CARMIL1: variants seen among roughly 807,000 people sequenced by gnomAD.
CARMIL1 encodes the protein F-actin-uncapping protein LRRC16A.
In CARMIL1, 90 loss-of-function variants were observed where a neutral mutation model predicts 177.1. The ratio of observed to expected loss-of-function variants is 0.51; its 90% CI spans 0.43 to 0.61. The LOEUF is 0.61. CARMIL1 is among the 20% of genes least tolerant of loss of function. The pLI, the probability that CARMIL1 is intolerant of heterozygous loss-of-function variation, is 0.00. For missense variants in CARMIL1, 1,380 were observed against 1,667.0 expected (o/e 0.83, Z 3.00); for synonymous variants, 577 against 606.2 (o/e 0.95, Z 0.71).
At chr6:25,492,917 C>T (rs1054184451) in intron 15 of CARMIL1, among the ~76,000 whole-genome samples, 20 of 151,960 alleles carry the variant, frequency 1.3e-4, no homozygotes, top group African/African-American at 3.1e-4. Flanking sequence ...AAAAATATGC[C>T]ACAAATACCT....
intron 4 of CARMIL1, 109 bp from the exon 5 acceptor site, chr6:25,435,374 T>A (rs1203879790): frequency 5.7e-6 from 7 of 1,236,472 alleles, no homozygotes; most frequent in Non-Finnish European, 7.4e-6. Context: ...AAAAAGCTAA[T>A]ATTGTATTAG....
At chr6:25,513,414 C>G (rs1805647820) in intron 20 of CARMIL1, among the ~76,000 whole-genome samples, 1 of 152,140 alleles carries the variant, frequency 6.6e-6, no homozygotes, top group South Asian at 2.1e-4. Flanking sequence ...TAGCACTTAC[C>G]AGGCCATTTA....
At chr6:25,370,471 G>A (rs1433028030) in intron 2 of CARMIL1, among the ~76,000 whole-genome samples, 4 of 152,230 alleles carry the variant, frequency 2.6e-5, no homozygotes, top group African/African-American at 9.6e-5. Flanking sequence ...ATAAAGACAT[G>A]AATGGCCTGG....
At chr6:25,465,790 C>T (rs1308315740) in intron 8 of CARMIL1, 83 bp from the exon 9 acceptor site, 8 of 820,884 alleles carry the variant, frequency 9.7e-6, no homozygotes, top group Non-Finnish European at 1.7e-5. Flanking sequence ...AACAGGTGAA[C>T]TTGGATGTCA....
chr6:25,406,352 G>A (rs978217002), intron 2 of CARMIL1, among the ~76,000 whole-genome samples: 1 of 152,202 alleles, frequency 6.6e-6, no homozygotes, highest in African/African-American at 2.4e-5. Flanking sequence ...GAAGGCCAGT[G>A]TGGCTGGGTT....
rs192777718 is a variant in CARMIL1 at position 25,302,572 on chromosome 6, C to G, written c.138+17663C>G. 9.2e-5 allele frequency among the ~76,000 whole-genome samples: 14 copies of G among 152,300 alleles called. No homozygotes were observed. The East Asian group carries it at 2.7e-3, about 29-fold the overall frequency. ...TTTGTGATATACACAGAATATTTGC[C>G]CAGTAAGTCACTCAGCCTTGAGTAC... On this transcript the variant is annotated intron_variant, in intron 2 of 36. Coordinates refer to ENST00000329474, the MANE Select transcript of CARMIL1 (RefSeq NM_017640.6).
Position 25,575,859 on chromosome 6 carries a change from T to A in CARMIL1, c.2743-5065T>A, listed in dbSNP as rs143810300. ...TTTTACTTATGTGCTGCCTTTACTT[T>A]AAAGAGACACAAATCATTTACATTC... On this transcript the variant is annotated intron_variant, in intron 29 of 36. Transcript: ENST00000329474. 2.4e-4 allele frequency among the ~76,000 whole-genome samples: 37 copies of A among 152,284 alleles called. No individual in the cohort carries two copies. In the East Asian group the frequency reaches 6.9e-3, roughly 29 times the overall value.
chr6:25,392,054 ATGTG>A (rs36076582), intron 2 of CARMIL1, among the ~76,000 whole-genome samples: 20,040 of 138,852 alleles, frequency 0.14, 1,447 homozygotes, highest in Admixed American at 0.17. Context: ...GTGTATATGC[ATGTG>A]TGTGTGTGTG....
At chr6:25,426,698 G>A (rs1196709854) in intron 4 of CARMIL1, 138 bp downstream of exon 4, 8 of 641,166 alleles carry the variant, frequency 1.2e-5, no homozygotes, top group African/African-American at 1.9e-5. Flanking sequence ...AACACTGGCT[G>A]TGTGGACAGG....
chr6:25,394,031 A>G (rs1793134580), intron 2 of CARMIL1, among the ~76,000 whole-genome samples: 1 of 152,172 alleles, frequency 6.6e-6, no homozygotes, highest in African/African-American at 2.4e-5. Context: ...TCTAACATAC[A>G]GATAAGTTGA....
intron 2 of CARMIL1, among the ~76,000 whole-genome samples, chr6:25,330,097 A>C (rs902580148): frequency 1.3e-5 from 2 of 152,222 alleles, no homozygotes; most frequent in African/African-American, 4.8e-5. Context: ...TAAACATTGA[A>C]TGCTCATGAT....
chr6:25,397,994 A>G (rs893406752), intron 2 of CARMIL1, among the ~76,000 whole-genome samples: 3 of 152,190 alleles, frequency 2.0e-5, no homozygotes, highest in African/African-American at 7.2e-5. Flanking sequence ...TTATCATTTA[A>G]TATTGATGTT....
At chr6:25,414,308 T>C (rs1048158328) in intron 2 of CARMIL1, among the ~76,000 whole-genome samples, 1 of 152,276 alleles carries the variant, frequency 6.6e-6, no homozygotes, top group East Asian at 1.9e-4. Flanking sequence ...AGTCCCAGTT[T>C]TCTGGGATGC....
chr6:25,520,428 C>T (rs762915645), intron 23 of CARMIL1, 91 bp downstream of exon 23: 35 of 745,274 alleles, frequency 4.7e-5, no homozygotes, highest in South Asian at 1.4e-4. Flanking sequence ...TGTTATTTTA[C>T]GAAGTTTTTT....
chr6:25,367,223 C>G (rs1199944974), intron 2 of CARMIL1, among the ~76,000 whole-genome samples: 2 of 151,966 alleles, frequency 1.3e-5, no homozygotes, highest in Non-Finnish European at 2.9e-5. Flanking sequence ...GTGATGTAAA[C>G]TTTTGGTTTC....
At chr6:25,450,747 C>G in intron 8 of CARMIL1, 36 bp downstream of exon 8, 1 of 527,462 alleles carries the variant, frequency 1.9e-6, no homozygotes, top group Non-Finnish European at 3.0e-6. Flanking sequence ...TCCTTTCCTC[C>G]CTCCCTTCCT....
At chr6:25,391,750 G>A (rs1012316075) in intron 2 of CARMIL1, among the ~76,000 whole-genome samples, 8 of 152,198 alleles carry the variant, frequency 5.3e-5, no homozygotes, top group Non-Finnish European at 8.8e-5. Flanking sequence ...AGCAATACAA[G>A]TTCTGCTGGA....
intron 5 of CARMIL1, among the ~76,000 whole-genome samples, chr6:25,444,325 A>T (rs1798024162): frequency 6.6e-6 from 1 of 152,176 alleles, no homozygotes; most frequent in Admixed American, 6.5e-5. Context: ...GGACATTAAA[A>T]AAAAAAGAAA....
chr6:25,583,143 A>G (rs1813283858), intron 31 of CARMIL1, among the ~76,000 whole-genome samples: 1 of 152,240 alleles, frequency 6.6e-6, no homozygotes, highest in Non-Finnish European at 1.5e-5. Context: ...GACAGAGGAA[A>G]GAATCTGAAC....
Sources: gnomAD v4.1 joint callset for allele counts (sites outside exome capture counted in the v4.1 genomes callset) on GRCh38, gnomAD v4.1.1 for gene constraint, MANE v1.5 for transcripts, NCBI Gene and HGNC (gene_info 2026-07-23, HGNC 2026-07-21) for gene names.